DNAH14: variants seen among roughly 807,000 people sequenced by gnomAD.
DNAH14 encodes the protein dynein axonemal heavy chain 14.
DNAH14 carries 478 observed loss-of-function variants against 520.9 expected under a neutral mutation model. The ratio of observed to expected loss-of-function variants is 0.92; its 90% CI spans 0.85 to 0.99. The LOEUF (loss-of-function observed/expected upper bound fraction) is 0.99, where lower values mean the gene tolerates loss of function less well. DNAH14 is among the 50% of genes least tolerant of loss of function. The probability of loss-of-function intolerance (pLI) is 0.00; values close to 1 mark genes in which losing one functional copy is unlikely to be tolerated. For missense variants in DNAH14, 4,831 were observed against 5,234.5 expected, an observed-to-expected ratio of 0.92 and a Z score of 2.38; for synonymous variants, 1,581 against 1,757.2, an observed-to-expected ratio of 0.90 and a Z score of 2.51.
chr1:225,211,821 G>GA (rs2088464915), intron 41 of DNAH14, among the ~76,000 whole-genome samples: 2 of 152,060 alleles, frequency 1.3e-5, no homozygotes, highest in Non-Finnish European at 1.5e-5. Flanking sequence ...CAAGCCAGAA[G>GA]AGAGTGGGGG....
intron 27 of DNAH14, among the ~76,000 whole-genome samples, chr1:225,133,597 G>A (rs747041457): frequency 6.6e-6 from 1 of 152,092 alleles, no homozygotes; most frequent in Admixed American, 6.5e-5. Flanking sequence ...GTCTGTTTTT[G>A]TACCAGCACC....
intron 65 of DNAH14, 150 bp from the exon 66 acceptor site, chr1:225,333,141 A>G (rs1252344396): frequency 1.4e-5 from 9 of 633,630 alleles, no homozygotes; most frequent in Non-Finnish European, 2.0e-5. Flanking sequence ...TTATTTTTCA[A>G]TATTATCCAT....
Position 225,337,484 on chromosome 1 carries a change from T to G in DNAH14, c.10299T>G (p.Ser3433Arg). 1 of 1,550,356 alleles carries G rather than the reference T, an allele frequency of 6.5e-7. No homozygotes were observed. The highest frequency in any genetic ancestry group is 8.7e-7 in the Non-Finnish European group (1 of 1,145,746). The stretch of plus-strand genomic sequence containing the variant: ...AAAATGCTATGAAGACAGGAGGGAG[T>G]GTCCTCCTGCAGGTAAGTGGGCAGT... ...KIENAMKTGG[S>R]VLLQNLLETL... is the part of the protein sequence containing the mutation. The change falls in exon 67 of 86, where the codon AGT becomes AGG. Residue 3433 changes from serine (S) to arginine (R), a missense_variant. By Grantham distance (110) the Ser-to-Arg change is moderately radical. Coordinates refer to ENST00000682510, the MANE Select transcript of DNAH14 (RefSeq NM_001367479.1).
At chr1:225,253,328 G>C (rs1322160943) in intron 44 of DNAH14, among the ~76,000 whole-genome samples, 1 of 152,062 alleles carries the variant, frequency 6.6e-6, no homozygotes, top group African/African-American at 2.4e-5. Flanking sequence ...CCACATCTTA[G>C]TATACCACTC....
chr1:225,115,255 G>A (rs56061128), intron 23 of DNAH14, among the ~76,000 whole-genome samples: 11,115 of 152,178 alleles, frequency 0.073, 631 homozygotes, highest in East Asian at 0.24. Context: ...TGGGTCAGAC[G>A]CGAAGCCAGC....
intron 71 of DNAH14, among the ~76,000 whole-genome samples, chr1:225,351,021 G>C (rs1374540688): frequency 6.6e-6 from 1 of 152,172 alleles, no homozygotes; most frequent in African/African-American, 2.4e-5. Flanking sequence ...AGCACATTAA[G>C]AGGACTGTAC....
intron 22 of DNAH14, among the ~76,000 whole-genome samples, chr1:225,099,810 C>T (rs1044407414): frequency 2.6e-5 from 4 of 152,044 alleles, no homozygotes; most frequent in African/African-American, 9.7e-5. Context: ...CAGCAATATA[C>T]TTTATGGATA....
At chr1:224,948,346 C>T (rs79261492) in intron 1 of DNAH14, among the ~76,000 whole-genome samples, 1,969 of 151,384 alleles carry the variant, frequency 0.013, 78 homozygotes, top group East Asian at 0.12. Context: ...TATCTAGTGA[C>T]TCTTTCTGCT....
intron 40 of DNAH14, among the ~76,000 whole-genome samples, chr1:225,206,767 T>G (rs966173947): frequency 1.3e-5 from 2 of 152,186 alleles, no homozygotes; most frequent in African/African-American, 4.8e-5. Context: ...TGTTTTCTTG[T>G]AAGACCATAG....
chr1:225,109,516 C>G (rs1378493568), intron 23 of DNAH14, among the ~76,000 whole-genome samples: 1 of 151,816 alleles, frequency 6.6e-6, no homozygotes, highest in Non-Finnish European at 1.5e-5. Context: ...ATATTGTTCA[C>G]TCTTGGCATA....
intron 58 of DNAH14, 88 bp downstream of exon 58, chr1:225,305,177 A>G: frequency 7.1e-7 from 1 of 1,412,304 alleles, no homozygotes; most frequent in Non-Finnish European, 9.4e-7. Flanking sequence ...GGTGAGCCAA[A>G]TCTGCCTTTT....
chr1:225,256,770 C>CAGATT (rs1466787432), intron 44 of DNAH14, among the ~76,000 whole-genome samples: 1 of 151,984 alleles, frequency 6.6e-6, no homozygotes, highest in Non-Finnish European at 1.5e-5. Flanking sequence ...ATAATGAGGA[C>CAGATT]AGATTAGCTC....
intron 1 of DNAH14, among the ~76,000 whole-genome samples, chr1:224,948,877 T>C (rs2060004416): frequency 6.6e-6 from 1 of 152,176 alleles, no homozygotes; most frequent in South Asian, 2.1e-4. Flanking sequence ...GCTGTTATTG[T>C]TGGGTAATTT....
chr1:224,963,227 A>G (rs1029284526), intron 4 of DNAH14, among the ~76,000 whole-genome samples: 22 of 152,068 alleles, frequency 1.4e-4, no homozygotes, highest in Non-Finnish European at 3.1e-4. Context: ...TTTGTTAATT[A>G]TATTTTAACT....
intron 67 of DNAH14, among the ~76,000 whole-genome samples, chr1:225,337,831 T>C (rs2095091274): frequency 6.6e-6 from 1 of 152,220 alleles, no homozygotes; most frequent in African/African-American, 2.4e-5. Flanking sequence ...GAATGGGGTA[T>C]CCATCCCCTC....
At chr1:225,127,736 T>G (rs1420427164) in intron 27 of DNAH14, among the ~76,000 whole-genome samples, 1 of 152,190 alleles carries the variant, frequency 6.6e-6, no homozygotes, top group Non-Finnish European at 1.5e-5. Flanking sequence ...TATGTGTGAC[T>G]TTGATCCTGT....
At chr1:225,215,262 G>A (rs1430802296) in intron 41 of DNAH14, among the ~76,000 whole-genome samples, 1 of 152,166 alleles carries the variant, frequency 6.6e-6, no homozygotes, top group South Asian at 2.1e-4. Context: ...TTTCACTGTG[G>A]TCTGAGAGGT....
intron 60 of DNAH14, among the ~76,000 whole-genome samples, chr1:225,315,555 G>T (rs1283772895): frequency 1.3e-5 from 2 of 152,040 alleles, no homozygotes; most frequent in Non-Finnish European, 2.9e-5. Flanking sequence ...TTTTGTGCTG[G>T]TTTTTCCTTA....
At chr1:225,240,501 T>C (rs1447631573) in intron 42 of DNAH14, 92 bp from the exon 43 acceptor site, 2 of 773,488 alleles carry the variant, frequency 2.6e-6, no homozygotes, top group African/African-American at 3.5e-5. Flanking sequence ...TTTTTAATAA[T>C]GAAACTTTAA....
Sources: allele counts gnomAD v4.1 joint callset (sites outside exome capture counted in the v4.1 genomes callset), GRCh38; gene constraint gnomAD v4.1.1; transcripts MANE v1.5; gene names NCBI Gene and HGNC (gene_info 2026-07-23, HGNC 2026-07-21).